Variants in CEP70 observed in about 807,000 individuals in gnomAD.
CEP70 encodes the protein centrosomal protein of 70 kDa.
A neutral mutation model predicts 90.9 loss-of-function variants in CEP70; 70 were observed. The ratio of observed to expected loss-of-function variants is 0.77; its 90% confidence interval spans 0.64 to 0.94. The LOEUF is 0.94. Among genes scored for constraint, CEP70 ranks in the 40% least tolerant of loss-of-function variants. The pLI, the probability that CEP70 is intolerant of heterozygous loss-of-function variation, is 0.00. For missense variants in CEP70, 648 were observed against 669.0 expected, an observed-to-expected ratio of 0.97 and a Z score of 0.35; for synonymous variants, 220 against 228.3, an observed-to-expected ratio of 0.96 and a Z score of 0.33.
intron 6 of CEP70, among the ~76,000 whole-genome samples, chr3:138,549,066 C>T (rs936978159): frequency 1.3e-5 from 2 of 152,024 alleles, no homozygotes; most frequent in African/African-American, 4.8e-5. Context: ...CTCTCTGGGT[C>T]CCCTGGGAAG....
chr3:138,552,797 C>T (rs931628601), intron 6 of CEP70, among the ~76,000 whole-genome samples: 1 of 152,000 alleles, frequency 6.6e-6, no homozygotes, highest in African/African-American at 2.4e-5. Context: ...CTGACCCAAA[C>T]CCAGCAGAAG....
chr3:138,575,908 T>C (rs1355273280), intron 2 of CEP70, among the ~76,000 whole-genome samples: 2 of 152,148 alleles, frequency 1.3e-5, no homozygotes, highest in Admixed American at 6.5e-5. Context: ...TGCAAAGAGA[T>C]TGTGTCACCA....
At chr3:138,517,564 G>A (rs532805296) in intron 11 of CEP70, among the ~76,000 whole-genome samples, 1 of 152,224 alleles carries the variant, frequency 6.6e-6, no homozygotes, top group Non-Finnish European at 1.5e-5. Context: ...AGCTACTTGG[G>A]AGGCTGAGGC....
At chr3:138,557,140 A>T (rs1400984113) in intron 6 of CEP70, among the ~76,000 whole-genome samples, 1 of 152,130 alleles carries the variant, frequency 6.6e-6, no homozygotes, top group Non-Finnish European at 1.5e-5. Context: ...TGAGAAAAAG[A>T]ATTCAGTGAT....
At chr3:138,533,425 G>A (rs866211472) in intron 7 of CEP70, among the ~76,000 whole-genome samples, 8 of 152,202 alleles carry the variant, frequency 5.3e-5, no homozygotes, top group African/African-American at 1.7e-4. Flanking sequence ...TGTCTAAAAA[G>A]AAAAGAAAAA....
chr3:138,570,926 G>C, intron 5 of CEP70, 108 bp downstream of exon 5: 2 of 928,488 alleles, frequency 2.2e-6, no homozygotes, highest in South Asian at 2.4e-5. Context: ...ATATTTTTTA[G>C]TTTAATATTT....
intron 11 of CEP70, among the ~76,000 whole-genome samples, chr3:138,521,073 G>A (rs1421195791): frequency 6.6e-6 from 1 of 152,204 alleles, no homozygotes; most frequent in Admixed American, 6.5e-5. Flanking sequence ...GCCTCCCGAG[G>A]TGCCGGGATT....
chr3:138,552,921 T>C (rs2039726002), intron 6 of CEP70, among the ~76,000 whole-genome samples: 1 of 152,038 alleles, frequency 6.6e-6, no homozygotes, highest in South Asian at 2.1e-4. Flanking sequence ...ATAAAATTGA[T>C]AGACCACTAG....
intron 11 of CEP70, among the ~76,000 whole-genome samples, chr3:138,524,008 T>C (rs985613103): frequency 4.7e-5 from 6 of 127,924 alleles, no homozygotes; most frequent in Non-Finnish European, 9.7e-5. Context: ...AACAGCATGG[T>C]ACTGGTACCA....
At chr3:138,518,569 C>G (rs1038430981) in intron 11 of CEP70, among the ~76,000 whole-genome samples, 1 of 152,200 alleles carries the variant, frequency 6.6e-6, no homozygotes, top group Non-Finnish European at 1.5e-5. Flanking sequence ...CCCAGGCAAA[C>G]AGGGTCTGGA....
intron 10 of CEP70, among the ~76,000 whole-genome samples, chr3:138,526,040 A>G (rs1199353088): frequency 1.3e-5 from 2 of 152,196 alleles, no homozygotes; most frequent in African/African-American, 4.8e-5. Context: ...TTAAATTTTT[A>G]CTACATATTT....
At position 138,563,029 on chromosome 3, in the gene CEP70, C is replaced by CA. The variant is rs543403068; in HGVS notation, c.465+7288dup. On this transcript the variant is annotated intron_variant, in intron 6 of 17. Transcript: ENST00000264982. ...GAATATTTACCAAGTAAATGGAAAG[C>CA]AAAAAAAAAAAGCAGGGGTTGCAAT... Among the ~76,000 whole-genome samples, 387 of 135,258 alleles carry CA rather than the reference C, an allele frequency of 2.9e-3. 1 individual carries two copies. Among genetic ancestry groups the CA allele is most frequent in the Admixed American group, 5.7e-3 (76 of 13,412 alleles). The allele number at this position is 135,258 out of a possible 152,430, so 88.7% of individuals were successfully genotyped here. A position where few individuals can be genotyped will look rare whatever the true frequency, so the allele number is the denominator to read the frequency against.
At chr3:138,518,257 C>T (rs2036250024) in intron 11 of CEP70, among the ~76,000 whole-genome samples, 1 of 152,186 alleles carries the variant, frequency 6.6e-6, no homozygotes, top group African/African-American at 2.4e-5. Context: ...GCTCTAGGGG[C>T]AGGGCATAGC....
intron 11 of CEP70, among the ~76,000 whole-genome samples, chr3:138,513,591 A>G (rs1388704260): frequency 6.6e-6 from 1 of 152,190 alleles, no homozygotes; most frequent in African/African-American, 2.4e-5. Flanking sequence ...AAAATGCAAC[A>G]CTGAAGAGTC....
chr3:138,588,550 T>C (rs1310596620), intron 2 of CEP70, among the ~76,000 whole-genome samples: 3 of 152,218 alleles, frequency 2.0e-5, no homozygotes, highest in Non-Finnish European at 4.4e-5. Context: ...GTGACACCAC[T>C]ACACATATTA....
intron 6 of CEP70, among the ~76,000 whole-genome samples, chr3:138,540,668 T>C (rs751761680): frequency 1.3e-5 from 2 of 152,170 alleles, no homozygotes; most frequent in Non-Finnish European, 2.9e-5. Context: ...ATTTTAACCA[T>C]TGTGGAAAGC....
rs2034880677 is a variant in CEP70, at chr3:138,505,301, G to A, written c.1215C>T (p.Ser405=). ...ATCATAGTCAACCCCTTACCTTTAA[G>A]GATGTCAGTTGATCTGCCCACATTT... is the stretch of plus-strand genomic sequence containing the variant. ...VIEMWADQLT[S]LKDLYKSLKT... is the part of the protein sequence containing the mutation. The change falls in exon 13 of 18, where the codon TCC becomes TCT. Residue 405 remains serine, a synonymous_variant. Transcript: ENST00000264982. 2 of 1,604,724 alleles carry A rather than the reference G, an allele frequency of 1.2e-6. No individual in the cohort carries two copies. The highest frequency in any genetic ancestry group is 1.7e-6 in the Non-Finnish European group (2 of 1,175,742).
chr3:138,529,318 C>G (rs1334551953), intron 9 of CEP70, 31 bp from the exon 10 acceptor site: 1 of 1,568,838 alleles, frequency 6.4e-7, no homozygotes, highest in African/African-American at 1.4e-5. Context: ...AAATAATTAA[C>G]TTTCTTAGAT....
intron 7 of CEP70, among the ~76,000 whole-genome samples, chr3:138,533,815 C>T (rs141826506): frequency 2.0e-5 from 3 of 151,960 alleles, no homozygotes; most frequent in African/African-American, 7.2e-5. Context: ...GAGATGGAGT[C>T]ATGCTGTCGC....
Sources: gnomAD v4.1 joint callset for allele counts (sites outside exome capture counted in the v4.1 genomes callset) on GRCh38, gnomAD v4.1.1 for gene constraint, MANE v1.5 for transcripts, NCBI Gene and HGNC (gene_info 2026-07-23, HGNC 2026-07-21) for gene names.